ZFHX3: variants seen among roughly 807,000 people sequenced by gnomAD.
ZFHX3 encodes zinc finger homeobox 3, also known as zinc finger homeobox protein 3.
Under a neutral mutation model 279.1 loss-of-function variants are expected in ZFHX3, and 42 were observed. That is an observed-to-expected ratio of 0.15 (90% CI 0.12 to 0.19). The LOEUF is 0.19. ZFHX3 is among the 10% of genes least tolerant of loss of function. ZFHX3 has a pLI of 1.00. For missense variants in ZFHX3, 4,981 were observed against 4,754.0 expected (o/e 1.05, Z -1.40); for synonymous variants, 2,293 against 1,957.8 (o/e 1.17, Z -4.52).
intron 2 of ZFHX3, among the ~76,000 whole-genome samples, chr16:73,611,853 G>T (rs1043314062): frequency 2.0e-5 from 3 of 151,982 alleles, no homozygotes; most frequent in Admixed American, 1.3e-4. Context: ...AAATGTAAAT[G>T]GTTTTCTTTC....
intron 2 of ZFHX3, among the ~76,000 whole-genome samples, chr16:73,665,513 C>G (rs1182029691): frequency 6.6e-6 from 1 of 151,736 alleles, no homozygotes; most frequent in African/African-American, 2.4e-5. Flanking sequence ...CATGCCTGGC[C>G]TGACCATTGT....
rs372419920 is a variant in ZFHX3, at chr16:73,142,201, T to C, written c.-1024+1551A>G. On this transcript the variant is annotated intron_variant, in intron 6 of 17. Transcript: ENST00000641206. ...AGAAACTCAATGCTGACCACTTCAT[T>C]AGCCCATGATGACCTTGTGCCTCTG... 2.5e-4 allele frequency among the ~76,000 whole-genome samples: 38 copies of C among 152,320 alleles called. 1 individual carries two copies. The highest frequency in any genetic ancestry group is 8.7e-4 in the African/African-American group (36 of 41,588).
At chr16:73,811,191 G>T (rs971320701) in intron 1 of ZFHX3, among the ~76,000 whole-genome samples, 1 of 152,110 alleles carries the variant, frequency 6.6e-6, no homozygotes, top group Non-Finnish European at 1.5e-5. Flanking sequence ...CTGTTGTGAT[G>T]AAAACCAAGC....
intron 4 of ZFHX3, among the ~76,000 whole-genome samples, chr16:72,835,337 G>A (rs1195344227): frequency 6.6e-6 from 1 of 151,938 alleles, no homozygotes; most frequent in Non-Finnish European, 1.5e-5. Flanking sequence ...CCATTATAAT[G>A]GAAATATCAG....
chr16:73,602,305 A>G (rs2052126911), intron 2 of ZFHX3, among the ~76,000 whole-genome samples: 1 of 152,210 alleles, frequency 6.6e-6, no homozygotes, highest in Admixed American at 6.5e-5. Flanking sequence ...ATTTAGTCCT[A>G]GAGATAAATG....
At chr16:73,602,199 CAT>C in intron 2 of ZFHX3, among the ~76,000 whole-genome samples, 1 of 152,274 alleles carries the variant, frequency 6.6e-6, no homozygotes, top group South Asian at 2.1e-4. Context: ...ACTATAACAA[CAT>C]GTGAAACATT....
intron 3 of ZFHX3, among the ~76,000 whole-genome samples, chr16:73,424,753 CAAAAAAAAA>C (rs71156163): frequency 1.4e-3 from 132 of 95,796 alleles, no homozygotes; most frequent in Middle Eastern, 6.8e-3. Flanking sequence ...TACCCTGTGT[CAAAAAAAAA>C]AAAAAAAAAA....
chr16:73,675,335 C>T (rs1020545690), intron 2 of ZFHX3, among the ~76,000 whole-genome samples: 1 of 151,936 alleles, frequency 6.6e-6, no homozygotes, highest in African/African-American at 2.4e-5. Context: ...TTTCCCAAAA[C>T]CTCCCTAAAT....
Position 72,798,165 on chromosome 16 carries a change from G to C in ZFHX3, c.4517C>G (p.Thr1506Arg), listed in dbSNP as rs201514050. The C allele has an allele frequency of 6.2e-7, 1 of 1,614,144 alleles. No individual in the cohort carries two copies. The highest frequency in any genetic ancestry group is 8.5e-7 in the Non-Finnish European group (1 of 1,180,004). The change falls in exon 9 of 10, where the codon ACG becomes AGG. Residue 1506 changes from threonine to arginine, a missense_variant. Physicochemically the swap from Thr to Arg is moderately conservative, Grantham distance 71 (BLOSUM62 -1). This residue lies in a region of ZFHX3 where 1,751 missense variants were observed against 1,770.0 expected (regional missense o/e 0.99). Coordinates refer to ENST00000268489, the MANE Select transcript of ZFHX3 (RefSeq NM_006885.4). ...TTGTACTGACCCAGAGTCACTGCCC[G>C]TTGGGCTCTGTTTATCTTCCAAGTC... is the stretch of plus-strand genomic sequence containing the variant. ...ESDLEDKQSPTGSDSGSVQED... is the reference protein window; with the variant it reads ...ESDLEDKQSPRGSDSGSVQED...
At chr16:73,295,910 G>A (rs778520713) in intron 4 of ZFHX3, among the ~76,000 whole-genome samples, 5 of 152,176 alleles carry the variant, frequency 3.3e-5, no homozygotes, top group Non-Finnish European at 5.9e-5. Flanking sequence ...CAATCCTACC[G>A]TGGAAAAGCC....
intron 1 of ZFHX3, among the ~76,000 whole-genome samples, chr16:73,738,126 T>C (rs1327579448): frequency 3.3e-5 from 5 of 152,242 alleles, no homozygotes; most frequent in African/African-American, 4.8e-5. Context: ...GAAGACACTC[T>C]TTTGAATCAG....
chr16:73,614,783 C>G (rs1261885746), intron 2 of ZFHX3, among the ~76,000 whole-genome samples: 3 of 151,654 alleles, frequency 2.0e-5, no homozygotes, highest in Admixed American at 2.0e-4. Flanking sequence ...TTTTTTGAGA[C>G]AGGGTGTCCT....
chr16:73,495,725 T>C (rs2019130014), intron 2 of ZFHX3, among the ~76,000 whole-genome samples: 5 of 152,142 alleles, frequency 3.3e-5, no homozygotes, highest in Admixed American at 3.3e-4. Context: ...AAACAAATCT[T>C]AGGACCTTGA....
At chr16:73,695,115 T>G (rs564015554) in intron 1 of ZFHX3, among the ~76,000 whole-genome samples, 1 of 152,364 alleles carries the variant, frequency 6.6e-6, no homozygotes, top group South Asian at 2.1e-4. Context: ...CCACTCCTCC[T>G]ATACCCCGAT....
Position 72,919,479 on chromosome 16 carries a change from G to C in ZFHX3, c.3217-29517C>G, listed in dbSNP as rs190338889. On this transcript the variant is annotated intron_variant, in intron 3 of 9. Coordinates refer to ENST00000268489, the MANE Select transcript of ZFHX3 (RefSeq NM_006885.4). ...CCCAGCATATTTTGTACTTCAAAGG[G>C]TTCTCTCACTGATTCTGACGCACAG... 7.9e-5 allele frequency among the ~76,000 whole-genome samples: 12 copies of C among 152,132 alleles called. No individual in the cohort carries two copies. The South Asian group carries it at 2.5e-3, about 32-fold the overall frequency.
intron 2 of ZFHX3, among the ~76,000 whole-genome samples, chr16:73,559,044 T>TTTTG (rs548924417): frequency 5.4e-5 from 8 of 149,482 alleles, no homozygotes; most frequent in African/African-American, 1.7e-4. Flanking sequence ...ACTCCTCTTT[T>TTTTG]TGTGTGTGTG....
chr16:73,837,437 A>G (rs1008942045), intron 1 of ZFHX3, among the ~76,000 whole-genome samples: 2 of 152,214 alleles, frequency 1.3e-5, no homozygotes, highest in African/African-American at 4.8e-5. Flanking sequence ...TCCTGGAGAC[A>G]AAAAGTGTTG....
intron 1 of ZFHX3, among the ~76,000 whole-genome samples, chr16:73,712,065 C>T (rs2053368340): frequency 6.6e-6 from 1 of 152,220 alleles, no homozygotes; most frequent in South Asian, 2.1e-4. Flanking sequence ...CTCTTTATAC[C>T]TGTGGCTCAT....
At chr16:73,263,812 G>C (rs1447298504) in intron 4 of ZFHX3, among the ~76,000 whole-genome samples, 13 of 152,188 alleles carry the variant, frequency 8.5e-5, no homozygotes, top group Non-Finnish European at 1.6e-4. Flanking sequence ...AAAAGGAAAG[G>C]TGCTTATCTG....
Sources: allele counts gnomAD v4.1 joint callset (sites outside exome capture counted in the v4.1 genomes callset), GRCh38; gene constraint gnomAD v4.1.1; regional missense constraint gnomAD v4.1.1; transcripts MANE v1.5; gene names NCBI Gene and HGNC (gene_info 2026-07-23, HGNC 2026-07-21).